LMO2: variants seen among roughly 807,000 people sequenced by gnomAD.
LMO2 encodes LIM domain only 2.
Under a neutral mutation model 23.2 loss-of-function variants are expected in LMO2, and 20 were observed. The ratio of observed to expected loss-of-function variants is 0.86; its 90% CI spans 0.61 to 1.25. LMO2 has a LOEUF of 1.25. Ranked by LOEUF, LMO2 falls within the 50% of genes most tolerant of loss-of-function variation. The pLI, the probability that LMO2 is intolerant of heterozygous loss-of-function variation, is 0.00. For missense variants in LMO2, 270 were observed against 315.3 expected (o/e 0.86, Z 1.09); for synonymous variants, 123 against 130.2 (o/e 0.94, Z 0.38).
At chr11:33,859,609 T>C (rs374795390) in intron 5 of LMO2, 34 bp from the exon 6 acceptor site, 30 of 1,594,104 alleles carry the variant, frequency 1.9e-5, no homozygotes, top group East Asian at 4.5e-5. Context: ...AAGAAGACAG[T>C]GAAAGGGACA....
Position 33,880,915 on chromosome 11 carries a change from G to A in LMO2, c.-272+909C>T, listed in dbSNP as rs889985703. The A allele has an allele frequency of 3.0e-6, 1 of 330,558 alleles. No individual in the cohort carries two copies. The highest frequency in any genetic ancestry group is 4.3e-5 in the Admixed American group (1 of 23,418). The allele number at this position is 330,558 out of a possible 1,614,324, so 20.5% of individuals were successfully genotyped here. On this transcript the variant is annotated intron_variant, in intron 2 of 5. Coordinates refer to ENST00000257818, the MANE Select transcript of LMO2 (RefSeq NM_005574.4). This position sits in a 1 kb window ranked among gnomAD's most constrained non-coding sequence, Gnocchi z 4.3. ...CTGCCCACTTAGGACTTTTCGAATA[G>A]TGCTCATCCCTGACTTCTGGATAAA...
At chr11:33,865,155 C>T (rs1290595625) in intron 4 of LMO2, 20 of 384,960 alleles carry the variant, frequency 5.2e-5, no homozygotes, top group South Asian at 9.1e-5. Flanking sequence ...CCACTCTCCC[C>T]GCTGACTCTA....
rs1435262548 is a variant in LMO2, at chr11:33,880,026, C to A, written c.-272+1798G>T. Among the ~76,000 whole-genome samples the A allele has an allele frequency of 6.6e-6, 1 of 152,028 alleles. No individual in the cohort carries two copies. The highest frequency in any genetic ancestry group is 2.4e-5 in the African/African-American group (1 of 41,402). ...CCCAAAAGAATTGAAAACAGCAACT[C>A]AAACAAATATTTGTACACCCATGTT... is the stretch of plus-strand genomic sequence containing the variant. On this transcript the variant is annotated intron_variant, in intron 2 of 5. Transcript: ENST00000257818. This position sits in a 1 kb window ranked among gnomAD's most constrained non-coding sequence, Gnocchi z 4.3.
intron 1 of LMO2, among the ~76,000 whole-genome samples, chr11:33,890,594 T>C: frequency 6.6e-6 from 1 of 152,240 alleles, no homozygotes; most frequent in African/African-American, 2.4e-5. Flanking sequence ...TCAGGCGATC[T>C]GCCTGCCTTG....
intron 5 of LMO2, among the ~76,000 whole-genome samples, chr11:33,863,545 T>C (rs1856660010): frequency 6.6e-6 from 1 of 152,192 alleles, no homozygotes; most frequent in Non-Finnish European, 1.5e-5. Context: ...CAGGGAAGCA[T>C]GCTTCACAGA....
At chr11:33,891,725 G>C (rs1031503880) in intron 1 of LMO2, 70 bp downstream of exon 1, 6 of 152,162 alleles carry the variant, frequency 3.9e-5, no homozygotes, top group Non-Finnish European at 7.3e-5. Context: ...CACTTCTTCT[G>C]GCTCCTTGAA....
chr11:33,891,397 A>ACG (rs1857548387), intron 1 of LMO2, among the ~76,000 whole-genome samples: 1 of 151,442 alleles, frequency 6.6e-6, no homozygotes, highest in Non-Finnish European at 1.5e-5. Context: ...ACATGCACAC[A>ACG]CACTCACACA....
At position 33,869,585 on chromosome 11, in the gene LMO2, C is replaced by A; in HGVS notation, c.9G>T (p.Gly3=). 7.7e-7 allele frequency: 1 copy of A among 1,300,100 alleles called. No individual in the cohort carries two copies. The highest frequency in any genetic ancestry group is 9.9e-7 in the Non-Finnish European group (1 of 1,012,734). The allele number at this position is 1,300,100 out of a possible 1,614,324, so 80.5% of individuals were successfully genotyped here. ...CGCGCTCAAGGACAGTCACCGCGCT[C>A]CCTTCAAACGCCAAAGAGAGAGAGC... is the stretch of plus-strand genomic sequence containing the variant. The part of the protein sequence containing the change: ME[G]SAVTVLERGG... The change falls in exon 4 of 6, where the codon GGG becomes GGT. Residue 3 remains glycine (G), a splice_region_variant and synonymous_variant. Transcript: ENST00000257818.
At position 33,890,615 on chromosome 11, in the gene LMO2, G is replaced by C. The variant is rs57264949; in HGVS notation, c.-336+1180C>G. Among the ~76,000 whole-genome samples, 834 of 152,320 alleles carry C rather than the reference G, an allele frequency of 5.5e-3. 9 individuals are homozygous for C. The highest frequency in any genetic ancestry group is 0.018 in the African/African-American group (765 of 41,580). On this transcript the variant is annotated intron_variant, in intron 1 of 5. Coordinates refer to ENST00000257818, the MANE Select transcript of LMO2 (RefSeq NM_005574.4). ...GATCTGCCTGCCTTGGCCTCCCAAAGTGCTAAGATTACAGGCGTTAGCCAA... is the reference window on the plus strand; with the variant it reads ...GATCTGCCTGCCTTGGCCTCCCAAACTGCTAAGATTACAGGCGTTAGCCAA...
chr11:33,868,955 G>A (rs1856889849), intron 4 of LMO2, among the ~76,000 whole-genome samples: 1 of 152,236 alleles, frequency 6.6e-6, no homozygotes, highest in African/African-American at 2.4e-5. Flanking sequence ...TGGACAAAGA[G>A]AAAGGACCGA....
rs751149770 is a variant in LMO2 at position 33,859,439 on chromosome 11, C to T, written c.601G>A (p.Gly201Ser). 1 of 1,614,124 alleles carries T rather than the reference C, an allele frequency of 6.2e-7. No homozygotes were observed. The highest frequency in any genetic ancestry group is 8.5e-7 in the Non-Finnish European group (1 of 1,180,000). ...CAACQKHFCV[G>S]DRYLLINSDI... ...GAGTTGATGAGGAGGTATCTGTCAC[C>T]TACACAGAAATGCTTCTGACAGGCG... Residue 201 changes from glycine (G) to serine (S), a missense_variant, in exon 6 of 6, where the codon GGT (glycine) becomes AGT (serine). Gly to Ser is a moderately conservative substitution (Grantham distance 56). Coordinates refer to ENST00000257818, the MANE Select transcript of LMO2 (RefSeq NM_005574.4).
chr11:33,885,868 G>A (rs902926780), intron 1 of LMO2, among the ~76,000 whole-genome samples: 1 of 144,180 alleles, frequency 6.9e-6, no homozygotes, highest in Non-Finnish European at 1.6e-5. Context: ...TTGTCTCCCT[G>A]GGCTGGTACA....
intron 2 of LMO2, among the ~76,000 whole-genome samples, chr11:33,878,856 A>C (rs187454823): frequency 2.6e-5 from 4 of 152,304 alleles, no homozygotes; most frequent in East Asian, 1.9e-4. Flanking sequence ...GAGAAGAGAG[A>C]CCATGGTTTT....
intron 4 of LMO2, among the ~76,000 whole-genome samples, chr11:33,865,688 G>C (rs1856756162): frequency 6.6e-6 from 1 of 152,220 alleles, no homozygotes; most frequent in Non-Finnish European, 1.5e-5. Flanking sequence ...AACAGACACT[G>C]ACATCTCAAT....
chr11:33,870,762 A>G (rs1422587360), intron 2 of LMO2, among the ~76,000 whole-genome samples: 1 of 152,156 alleles, frequency 6.6e-6, no homozygotes, highest in African/African-American at 2.4e-5. Flanking sequence ...TGCTTTTTCA[A>G]TGGTCAAGAA....
At chr11:33,890,347 T>C (rs1273044427) in intron 1 of LMO2, among the ~76,000 whole-genome samples, 2 of 152,118 alleles carry the variant, frequency 1.3e-5, no homozygotes, top group Admixed American at 1.3e-4. Flanking sequence ...TTATGTAAGT[T>C]TTTTTGTTTT....
At chr11:33,874,653 A>C (rs79378579) in intron 2 of LMO2, among the ~76,000 whole-genome samples, 1 of 152,224 alleles carries the variant, frequency 6.6e-6, no homozygotes, top group Non-Finnish European at 1.5e-5. Flanking sequence ...ACATCCACCA[A>C]AGAGTGCTGA....
chr11:33,866,863 T>G (rs1324013975), intron 4 of LMO2, among the ~76,000 whole-genome samples: 1 of 152,238 alleles, frequency 6.6e-6, no homozygotes, highest in Non-Finnish European at 1.5e-5. Context: ...AGCCTTGCTT[T>G]CTTTCCTTTG....
rs1038839319 is a variant in LMO2, at chr11:33,864,294, T to C, written c.464+308A>G. ...CCGTGTGTACTCCTCCTCAATCCCA[T>C]CCCCTAGCTTCTCCCGCTCCCCAAG... is the stretch of plus-strand genomic sequence containing the variant. On this transcript the variant is annotated intron_variant, in intron 5 of 5. Coordinates refer to ENST00000257818, the MANE Select transcript of LMO2 (RefSeq NM_005574.4). This position sits in a 1 kb window ranked among gnomAD's most constrained non-coding sequence, Gnocchi z 4.8. Among the ~76,000 whole-genome samples, 1 of 152,094 alleles carries C rather than the reference T, an allele frequency of 6.6e-6. No homozygotes were observed. The highest frequency in any genetic ancestry group is 6.6e-5 in the Admixed American group (1 of 15,224).
Sources: gnomAD v4.1 joint callset for allele counts (sites outside exome capture counted in the v4.1 genomes callset) on GRCh38, gnomAD v4.1.1 for gene constraint, Gnocchi (gnomAD v3.1) non-coding constraint, MANE v1.5 for transcripts, NCBI Gene and HGNC (gene_info 2026-07-23, HGNC 2026-07-21) for gene names.